BMS1: variants seen among roughly 807,000 people sequenced by gnomAD.
BMS1 encodes BMS1 ribosome biogenesis factor, also known as ribosome biogenesis protein BMS1 homolog.
A neutral mutation model predicts 138.7 loss-of-function variants in BMS1; 53 were observed. The ratio of observed to expected loss-of-function variants is 0.38; its 90% CI spans 0.31 to 0.48. BMS1 has a LOEUF of 0.48. Among genes scored for constraint, BMS1 ranks in the 20% least tolerant of loss-of-function variants. BMS1 has a pLI of 0.97. For missense variants in BMS1, 1,360 were observed against 1,565.5 expected (o/e 0.87, Z 2.22); for synonymous variants, 504 against 539.9 (o/e 0.93, Z 0.92).
chr10:42,818,534 G>C (rs908386497), intron 15 of BMS1, among the ~76,000 whole-genome samples: 11 of 152,150 alleles, frequency 7.2e-5, no homozygotes, highest in African/African-American at 2.7e-4. Flanking sequence ...ATTTCCTGGT[G>C]GACTGAATGT....
intron 3 of BMS1, 105 bp from the exon 4 acceptor site, chr10:42,787,062 TA>T: frequency 1.2e-6 from 1 of 831,186 alleles, no homozygotes; most frequent in East Asian, 2.5e-5. Context: ...CCTGTAAATG[TA>T]TATGATGTTT....
chr10:42,790,277 G>T (rs937016220), intron 4 of BMS1, 46 bp from the exon 5 acceptor site: 9 of 1,600,000 alleles, frequency 5.6e-6, no homozygotes, highest in Non-Finnish European at 7.7e-6. Flanking sequence ...AGTGTAGGTG[G>T]TCTGTTTTGG....
intron 12 of BMS1, among the ~76,000 whole-genome samples, 158 bp from the exon 13 acceptor site, chr10:42,801,979 C>G (rs1841887587): frequency 6.6e-6 from 1 of 152,060 alleles, no homozygotes; most frequent in African/African-American, 2.4e-5. Context: ...TATACTGTCT[C>G]CATCAAAGGT....
Position 42,830,266 on chromosome 10 carries a change from C to T in BMS1, c.3462C>T (p.Ile1154=), listed in dbSNP as rs765650166. The change falls in exon 22 of 23, where the codon ATC becomes ATT. Residue 1154 remains isoleucine (I), a synonymous_variant. Transcript: ENST00000374518. The stretch of plus-strand genomic sequence containing the variant: ...GTCTTTGTTTTTCTTTTCAGCCAAT[C>T]CTGAGGCAAAAGAAACATTTTAATT... ...KANKDSLYKP[I]LRQKKHFNSL... is the part of the protein sequence containing the mutation. 2 of 1,611,614 alleles carry T rather than the reference C, an allele frequency of 1.2e-6. No individual in the cohort carries two copies. The highest frequency in any genetic ancestry group is 2.2e-5 in the South Asian group (2 of 90,228).
chr10:42,829,622 G>C (rs1454703188), intron 21 of BMS1, among the ~76,000 whole-genome samples: 1 of 151,930 alleles, frequency 6.6e-6, no homozygotes, highest in Non-Finnish European at 1.5e-5. Context: ...AAGATTTCAA[G>C]ACCAGCATGA....
At chr10:42,788,728 T>G (rs1017306369) in intron 4 of BMS1, among the ~76,000 whole-genome samples, 1 of 152,224 alleles carries the variant, frequency 6.6e-6, no homozygotes, top group Non-Finnish European at 1.5e-5. Context: ...CACACACATT[T>G]GGTAAAGTAC....
At chr10:42,790,574 C>A in intron 5 of BMS1, 63 bp downstream of exon 5, 1 of 1,551,648 alleles carries the variant, frequency 6.4e-7, no homozygotes, top group African/African-American at 1.4e-5. Flanking sequence ...ACTGAAGAGG[C>A]CGGGTGCAGT....
intron 21 of BMS1, among the ~76,000 whole-genome samples, chr10:42,826,966 G>A (rs1842665019): frequency 6.6e-6 from 1 of 152,214 alleles, no homozygotes; most frequent in South Asian, 2.1e-4. Flanking sequence ...TGTGGACATC[G>A]TTTGTTCCCA....
rs1205678843 is a variant in BMS1 at position 42,831,318 on chromosome 10, T to C, written c.*222T>C. 3 of 493,434 alleles carry C rather than the reference T, an allele frequency of 6.1e-6. No homozygotes were observed. The highest frequency in any genetic ancestry group is 1.1e-5 in the Non-Finnish European group (3 of 277,836). The allele number at this position is 493,434 out of a possible 1,614,324, so 30.6% of individuals were successfully genotyped here. A position where few individuals can be genotyped will look rare whatever the true frequency, so the allele number is the denominator to read the frequency against. ...AGATTTAAAGTGATGTAAGCTGTGGTTATGTGGATTCTCTTACTTTCCTCT... is the reference window on the plus strand; with the variant it reads ...AGATTTAAAGTGATGTAAGCTGTGGCTATGTGGATTCTCTTACTTTCCTCT... On this transcript the variant is annotated 3_prime_UTR_variant, in exon 23 of 23. Coordinates refer to ENST00000374518, the MANE Select transcript of BMS1 (RefSeq NM_014753.4).
At chr10:42,799,822 A>G (rs1227344828) in intron 12 of BMS1, among the ~76,000 whole-genome samples, 1 of 152,170 alleles carries the variant, frequency 6.6e-6, no homozygotes, top group East Asian at 1.9e-4. Flanking sequence ...CATAAGCATC[A>G]TAGTTTACTT....
intron 13 of BMS1, among the ~76,000 whole-genome samples, chr10:42,811,493 C>G (rs1426700110): frequency 6.6e-6 from 1 of 151,126 alleles, no homozygotes; most frequent in Non-Finnish European, 1.5e-5. Flanking sequence ...TGAGCTGTAC[C>G]CCACAAATGT....
At chr10:42,790,064 G>A (rs1564409176) in intron 4 of BMS1, among the ~76,000 whole-genome samples, 1 of 152,148 alleles carries the variant, frequency 6.6e-6, no homozygotes. Flanking sequence ...AGTCTGGAGT[G>A]CAACTTTTCC....
Position 42,834,910 on chromosome 10 carries a change from T to A in BMS1, c.*3814T>A, listed in dbSNP as rs1842847608. The A allele has an allele frequency of 6.6e-6, 1 of 152,210 alleles. No individual in the cohort carries two copies. The highest frequency in any genetic ancestry group is 1.5e-5 in the Non-Finnish European group (1 of 68,036). 9.4% of individuals were successfully genotyped at this position (152,210 alleles called of 1,614,324 possible). Reference sequence around the variant, plus strand: ...TTTTTGTTTTGTGATAAAATATGCATAATAAAACTTATTTTATCAATTTTT... The same window carrying A: ...TTTTTGTTTTGTGATAAAATATGCAAAATAAAACTTATTTTATCAATTTTT... On this transcript the variant is annotated 3_prime_UTR_variant, in exon 23 of 23. Coordinates refer to ENST00000374518, the MANE Select transcript of BMS1 (RefSeq NM_014753.4).
chr10:42,796,974 T>C lies in BMS1; in HGVS notation c.1730T>C (p.Phe577Ser), dbSNP rs1462865185. The C allele has an allele frequency of 1.9e-6, 3 of 1,614,170 alleles. No individual in the cohort carries two copies. The highest frequency in any genetic ancestry group is 1.7e-5 in the Admixed American group (1 of 60,012). The change falls in exon 10 of 23, where the codon TTC (phenylalanine) becomes TCC (serine). Residue 577 changes from phenylalanine to serine, a missense_variant. Physicochemically the swap from Phe to Ser is radical, Grantham distance 155. Coordinates refer to ENST00000374518, the MANE Select transcript of BMS1 (RefSeq NM_014753.4). ...LLMKKAALPT[F>S]DSGHCTAEEV... Reference sequence around the variant, plus strand: ...ATGAAGAAAGCAGCTCTCCCCACTTTCGATTCTGGGCATTGCACAGCTGAA... The same window carrying C: ...ATGAAGAAAGCAGCTCTCCCCACTTCCGATTCTGGGCATTGCACAGCTGAA...
chr10:42,807,042 TGTGTGTGTGTTTTAC>T (rs1283185093), intron 13 of BMS1, among the ~76,000 whole-genome samples: 1 of 152,188 alleles, frequency 6.6e-6, no homozygotes, highest in East Asian at 1.9e-4. Flanking sequence ...CTTATGTGTG[TGTGTGTGTGTTTTAC>T]GTGTGTGTGT....
In BMS1 at chr10:42,834,603, T is replaced by C. The variant is rs1842845066; in HGVS notation, c.*3507T>C. 1 of 151,686 alleles carries C rather than the reference T, an allele frequency of 6.6e-6. No individual in the cohort carries two copies. Among genetic ancestry groups the C allele is most frequent in the Non-Finnish European group, 1.5e-5 (1 of 68,018 alleles). 9.4% of individuals were successfully genotyped at this position (151,686 alleles called of 1,614,324 possible). Reference sequence around the variant, plus strand: ...CCTTTAACAAGACAAAAGGTTGAGATGTTGGACATTTAAATGCCAAAGGTG... The same window carrying C: ...CCTTTAACAAGACAAAAGGTTGAGACGTTGGACATTTAAATGCCAAAGGTG... On this transcript the variant is annotated 3_prime_UTR_variant, in exon 23 of 23. Coordinates refer to ENST00000374518, the MANE Select transcript of BMS1 (RefSeq NM_014753.4).
intron 3 of BMS1, among the ~76,000 whole-genome samples, chr10:42,786,061 G>C (rs893005324): frequency 6.6e-6 from 1 of 152,134 alleles, no homozygotes; most frequent in Admixed American, 6.5e-5. Flanking sequence ...TCCATTTTTT[G>C]TATGAGAAAT....
chr10:42,825,849 C>G (rs922208072), intron 21 of BMS1, among the ~76,000 whole-genome samples: 6 of 152,144 alleles, frequency 3.9e-5, no homozygotes, highest in African/African-American at 1.2e-4. Flanking sequence ...TGTATTCAAT[C>G]TTAGTGGAAA....
intron 13 of BMS1, among the ~76,000 whole-genome samples, chr10:42,802,772 T>C (rs1027156728): frequency 2.7e-5 from 4 of 150,770 alleles, no homozygotes; most frequent in African/African-American, 9.7e-5. Flanking sequence ...TTTTATTATT[T>C]AAAATTAAAA....
Sources: allele counts gnomAD v4.1 joint callset (sites outside exome capture counted in the v4.1 genomes callset), GRCh38; gene constraint gnomAD v4.1.1; transcripts MANE v1.5; gene names NCBI Gene and HGNC (gene_info 2026-07-23, HGNC 2026-07-21).